GPC5: variants seen among roughly 807,000 people sequenced by gnomAD.
The protein encoded by GPC5 is glypican 5, also known as glypican-5.
In GPC5, 47 loss-of-function variants were observed where a neutral mutation model predicts 53.9. The observed-to-expected ratio is 0.87, with a 90% confidence interval of 0.69 to 1.11. GPC5 has a LOEUF of 1.11. GPC5 is among the 50% of genes most tolerant of loss of function. The pLI, the probability that GPC5 is intolerant of heterozygous loss-of-function variation, is 0.00. For synonymous variants in GPC5, 286 were observed against 263.3 expected (o/e 1.09, Z -0.84); for missense variants, 748 against 713.1 (o/e 1.05, Z -0.56).
rs187718567 is a variant in GPC5, at chr13:92,046,968, G to T, written c.1402-97862G>T. 3.2e-3 allele frequency among the ~76,000 whole-genome samples: 492 copies of T among 152,206 alleles called. 7 individuals carry two copies. The highest frequency in any genetic ancestry group is 0.011 in the African/African-American group (472 of 41,536). On this transcript the variant is annotated intron_variant, in intron 6 of 7. Coordinates refer to ENST00000377067, the MANE Select transcript of GPC5 (RefSeq NM_004466.6). Reference sequence around the variant, plus strand: ...ACAAGTAATATTCAAAAGCACTTTTGGGGTCTATTCTTGCCTCATTAAATG... The same window carrying T: ...ACAAGTAATATTCAAAAGCACTTTTTGGGTCTATTCTTGCCTCATTAAATG...
chr13:91,799,966 A>AT (rs1422090617), intron 5 of GPC5, among the ~76,000 whole-genome samples: 1 of 152,046 alleles, frequency 6.6e-6, no homozygotes, highest in Non-Finnish European at 1.5e-5. Context: ...CCTGACTCAT[A>AT]TTTTTCATTA....
At chr13:92,081,749 A>G (rs1044904923) in intron 6 of GPC5, among the ~76,000 whole-genome samples, 3 of 152,214 alleles carry the variant, frequency 2.0e-5, no homozygotes, top group African/African-American at 7.2e-5. Flanking sequence ...CACATATAAG[A>G]AAGTATATAA....
At chr13:92,660,579 T>TG (rs1210672262) in intron 7 of GPC5, among the ~76,000 whole-genome samples, 1 of 151,124 alleles carries the variant, frequency 6.6e-6, no homozygotes, top group Non-Finnish European at 1.5e-5. Flanking sequence ...TATTTTTTTT[T>TG]GTCTCTCTTT....
At chr13:91,975,362 A>G (rs1449395116) in intron 6 of GPC5, among the ~76,000 whole-genome samples, 1 of 152,100 alleles carries the variant, frequency 6.6e-6, no homozygotes, top group Non-Finnish European at 1.5e-5. Flanking sequence ...AATTTTTGCA[A>G]CCTACTCATC....
chr13:92,399,653 G>A (rs1024207861), intron 7 of GPC5, among the ~76,000 whole-genome samples: 1 of 152,148 alleles, frequency 6.6e-6, no homozygotes, highest in African/African-American at 2.4e-5. Flanking sequence ...TTTCTCATTA[G>A]GCATATTGCA....
At chr13:91,875,760 G>C (rs1328048392) in intron 5 of GPC5, among the ~76,000 whole-genome samples, 1 of 151,992 alleles carries the variant, frequency 6.6e-6, no homozygotes, top group African/African-American at 2.4e-5. Flanking sequence ...TAAATTTCAA[G>C]CAAAATACAG....
chr13:91,415,718 C>G (rs1021848310), intron 1 of GPC5, among the ~76,000 whole-genome samples: 1 of 122,008 alleles, frequency 8.2e-6, no homozygotes, highest in African/African-American at 3.2e-5. Flanking sequence ...GAATATTTTT[C>G]TACCTTGTAA....
At position 91,503,155 on chromosome 13, in the gene GPC5, A is replaced by G. The variant is rs550094555; in HGVS notation, c.325+54233A>G. Among the ~76,000 whole-genome samples, 57 of 152,266 alleles carry G rather than the reference A, an allele frequency of 3.7e-4. No individual in the cohort carries two copies. The South Asian group carries it at 0.012, about 31-fold the overall frequency. ...ATAAAATCAGTACAGCACAGAGAGA[A>G]AGAGAGAGAAATTCCAGGCATGAGA... On this transcript the variant is annotated intron_variant, in intron 2 of 7. Transcript: ENST00000377067.
chr13:91,568,564 A>AG (rs1002351904), intron 2 of GPC5, among the ~76,000 whole-genome samples: 23 of 151,822 alleles, frequency 1.5e-4, no homozygotes, highest in Middle Eastern at 3.4e-3. Flanking sequence ...TTTTATTGAA[A>AG]AAAAAAAAGG....
intron 6 of GPC5, among the ~76,000 whole-genome samples, chr13:91,977,286 C>T (rs2040312286): frequency 6.6e-6 from 1 of 152,006 alleles, no homozygotes; most frequent in African/African-American, 2.4e-5. Context: ...CATTTTAATT[C>T]CATATATAAG....
intron 7 of GPC5, among the ~76,000 whole-genome samples, chr13:92,294,828 T>G (rs199546212): frequency 1.7e-5 from 1 of 57,878 alleles, no homozygotes; most frequent in African/African-American, 1.3e-4. Flanking sequence ...TTTTTTTTCT[T>G]TTTTTTTTTT....
chr13:92,402,145 T>G (rs370160769), intron 7 of GPC5, among the ~76,000 whole-genome samples: 16 of 152,288 alleles, frequency 1.1e-4, no homozygotes, highest in Admixed American at 6.5e-4. Context: ...TTTGACTAGA[T>G]ATGACTCTAG....
At chr13:92,462,863 T>A (rs905522076) in intron 7 of GPC5, among the ~76,000 whole-genome samples, 6 of 152,002 alleles carry the variant, frequency 3.9e-5, no homozygotes, top group African/African-American at 1.4e-4. Context: ...ATTACAGGCA[T>A]GTGCCACCAC....
intron 5 of GPC5, among the ~76,000 whole-genome samples, chr13:91,820,243 A>G (rs2138830035): frequency 6.6e-6 from 1 of 152,226 alleles, no homozygotes; most frequent in South Asian, 2.1e-4. Context: ...TATATAATGG[A>G]ATTTATTAAT....
chr13:92,257,857 G>A (rs2042738866), intron 7 of GPC5, among the ~76,000 whole-genome samples: 1 of 151,918 alleles, frequency 6.6e-6, no homozygotes, highest in African/African-American at 2.4e-5. Context: ...GCCTACAGGG[G>A]TGTTTAGATA....
In GPC5 at chr13:92,365,582, C is replaced by T. The variant is rs149183893; in HGVS notation, c.1561+220593C>T. 5.7e-3 allele frequency among the ~76,000 whole-genome samples: 869 copies of T among 151,738 alleles called. 44 individuals carry two copies. Among genetic ancestry groups the T allele is most frequent in the Admixed American group, 0.049 (754 of 15,276 alleles). ...TAACACTTGGCTGAAAACACAAACA[C>T]ATTGCATAGCTGTATAAAAAGATTT... On this transcript the variant is annotated intron_variant, in intron 7 of 7. Coordinates refer to ENST00000377067, the MANE Select transcript of GPC5 (RefSeq NM_004466.6).
intron 7 of GPC5, among the ~76,000 whole-genome samples, chr13:92,351,467 A>G (rs923917208): frequency 6.6e-6 from 1 of 152,022 alleles, no homozygotes; most frequent in Non-Finnish European, 1.5e-5. Flanking sequence ...GAAGTCCACA[A>G]TGAACATTTC....
At chr13:91,835,050 G>A (rs1195424024) in intron 5 of GPC5, among the ~76,000 whole-genome samples, 1 of 151,466 alleles carries the variant, frequency 6.6e-6, no homozygotes, top group Admixed American at 6.6e-5. Context: ...AAATTTACAA[G>A]AAAACAACCC....
At chr13:91,539,852 A>G (rs762717179) in intron 2 of GPC5, among the ~76,000 whole-genome samples, 17 of 152,186 alleles carry the variant, frequency 1.1e-4, no homozygotes, top group Non-Finnish European at 1.9e-4. Context: ...ATTTAAAAAT[A>G]AAAATAAAAA....
Sources: gnomAD v4.1 joint callset for allele counts (sites outside exome capture counted in the v4.1 genomes callset) on GRCh38, gnomAD v4.1.1 for gene constraint, MANE v1.5 for transcripts, NCBI Gene and HGNC (gene_info 2026-07-23, HGNC 2026-07-21) for gene names.